DNAAF9: variants seen among roughly 807,000 people sequenced by gnomAD.
The protein encoded by DNAAF9 is shulin.
A neutral mutation model predicts 167.0 loss-of-function variants in DNAAF9; 90 were observed. That is an observed-to-expected ratio of 0.54 (90% confidence interval 0.45 to 0.64). The LOEUF (loss-of-function observed/expected upper bound fraction) is 0.64, where lower values mean the gene tolerates loss of function less well. DNAAF9 is among the 30% of genes least tolerant of loss of function. The pLI, the probability that DNAAF9 is intolerant of heterozygous loss-of-function variation, is 0.00. For missense variants in DNAAF9, 1,315 were observed against 1,442.2 expected (o/e 0.91, Z 1.43); for synonymous variants, 491 against 508.8 (o/e 0.96, Z 0.47).
At chr20:3,405,912 C>G (rs1015294060) in intron 1 of DNAAF9, among the ~76,000 whole-genome samples, 2 of 152,204 alleles carry the variant, frequency 1.3e-5, no homozygotes, top group Non-Finnish European at 2.9e-5. Context: ...ATACTTTCTG[C>G]TTCAGACAGT....
Position 3,359,601 on chromosome 20 carries a change from A to G in DNAAF9, c.613-8T>C, listed in dbSNP as rs954725073. The G allele has an allele frequency of 3.8e-6, 6 of 1,596,010 alleles. No individual in the cohort carries two copies. The Admixed American group carries it at 8.6e-5, about 23-fold the overall frequency. ...CAAACTCACATCCTGCAACTGCAAC[A>G]GAGGGCAAAAACATTGAAATAATTA... On this transcript the variant is annotated splice_region_variant and splice_polypyrimidine_tract_variant and intron_variant, in intron 6 of 36. Transcript: ENST00000252032.
intron 30 of DNAAF9, among the ~76,000 whole-genome samples, chr20:3,266,907 C>A (rs2068500970): frequency 6.7e-6 from 1 of 148,934 alleles, no homozygotes; most frequent in African/African-American, 2.5e-5. Context: ...GGCTAGAGTG[C>A]AATGGCGCAA....
chr20:3,397,920 C>T (rs2083932971), intron 1 of DNAAF9, among the ~76,000 whole-genome samples: 1 of 152,108 alleles, frequency 6.6e-6, no homozygotes, highest in Admixed American at 6.5e-5. Flanking sequence ...TAATCAAGTA[C>T]CAGGATTATG....
At chr20:3,364,847 G>A (rs901851610) in intron 6 of DNAAF9, among the ~76,000 whole-genome samples, 7 of 152,010 alleles carry the variant, frequency 4.6e-5, no homozygotes, top group African/African-American at 1.7e-4. Context: ...GGCTGCTGAA[G>A]GTTAAGAGGC....
At chr20:3,380,177 G>C (rs375294064) in intron 3 of DNAAF9, among the ~76,000 whole-genome samples, 1 of 152,188 alleles carries the variant, frequency 6.6e-6, no homozygotes, top group Non-Finnish European at 1.5e-5. Context: ...CGTGTGGCTG[G>C]TATGAGCTGC....
chr20:3,315,894 C>T lies in DNAAF9; in HGVS notation c.1540-109G>A, dbSNP rs1257676261. On this transcript the variant is annotated intron_variant, in intron 18 of 36. Transcript: ENST00000252032. This position sits in a 1 kb window ranked among gnomAD's most constrained non-coding sequence, Gnocchi z 4.1. ...CCAGGACACTGGCTGGACAGTCCTT[C>T]CACCATGTCCATGTCCAGTGCTCTC... is the stretch of plus-strand genomic sequence containing the variant. 4 of 852,766 alleles carry T rather than the reference C, an allele frequency of 4.7e-6. No homozygotes were observed. Among genetic ancestry groups the T allele is most frequent in the African/African-American group, 3.3e-5 (2 of 60,370 alleles). The allele number at this position is 852,766 out of a possible 1,614,324, so 52.8% of individuals were successfully genotyped here. A position where few individuals can be genotyped will look rare whatever the true frequency, so the allele number is the denominator to read the frequency against.
At chr20:3,295,143 A>T (rs759537810) in intron 23 of DNAAF9, among the ~76,000 whole-genome samples, 30 of 151,052 alleles carry the variant, frequency 2.0e-4, no homozygotes, top group Non-Finnish European at 3.5e-4. Context: ...TGCTGGGATT[A>T]CAGGCATGAG....
chr20:3,320,609 T>C (rs925089048), intron 16 of DNAAF9, among the ~76,000 whole-genome samples: 7 of 152,148 alleles, frequency 4.6e-5, no homozygotes, highest in Admixed American at 4.6e-4. Flanking sequence ...TTTAATGATA[T>C]CACAAAAAAG....
Position 3,348,641 on chromosome 20 carries a change from AAGAT to A in DNAAF9, c.691-22_691-19del. The A allele has an allele frequency of 5.3e-6, 8 of 1,516,558 alleles. No individual in the cohort carries two copies. Among genetic ancestry groups the A allele is most frequent in the Non-Finnish European group, 7.2e-6 (8 of 1,104,368 alleles). 93.9% of individuals were successfully genotyped at this position (1,516,558 alleles called of 1,614,324 possible). On this transcript the variant is annotated intron_variant, in intron 7 of 36. Transcript: ENST00000252032. Reference sequence around the variant, plus strand: ...ACCAAATCCTGGGAAAAAAAGGAAAAAGATAACGTGTTTGGTCATATAAAGGAGG... The same window carrying A: ...ACCAAATCCTGGGAAAAAAAGGAAAAAACGTGTTTGGTCATATAAAGGAGG...
intron 6 of DNAAF9, among the ~76,000 whole-genome samples, chr20:3,371,356 T>C (rs2083505879): frequency 7.0e-6 from 1 of 142,262 alleles, no homozygotes; most frequent in African/African-American, 2.6e-5. Flanking sequence ...TTTTTTTTTT[T>C]TTTTGAGACT....
At chr20:3,302,922 A>G (rs1321144725) in intron 21 of DNAAF9, among the ~76,000 whole-genome samples, 2 of 152,216 alleles carry the variant, frequency 1.3e-5, no homozygotes, top group African/African-American at 4.8e-5. Context: ...AAGTTAAATT[A>G]TCAGCATAAA....
At position 3,348,618 on chromosome 20, in the gene DNAAF9, C is replaced by T; in HGVS notation, c.696G>A (p.Leu232=). The change falls in exon 8 of 37, where the codon TTG becomes TTA. Residue 232 remains leucine (L), a synonymous_variant. Coordinates refer to ENST00000252032, the MANE Select transcript of DNAAF9 (RefSeq NM_001009984.3). The stretch of plus-strand genomic sequence containing the variant: ...TAGTCCACTGATGTTCAAAAGCCAC[C>T]AAATCCTGGGAAAAAAAGGAAAAAG... ...MSLESLLSDD[L]VAFEHQWTSF... 1 of 1,588,806 alleles carries T rather than the reference C, an allele frequency of 6.3e-7. No homozygotes were observed. Among genetic ancestry groups the T allele is most frequent in the East Asian group, 2.2e-5 (1 of 44,656 alleles).
chr20:3,293,292 CAAAAAAAAAAAAAAA>C (rs1172725572), intron 25 of DNAAF9, among the ~76,000 whole-genome samples: 25 of 22,872 alleles, frequency 1.1e-3, no homozygotes, highest in African/African-American at 1.6e-3. Flanking sequence ...GACTCCGTCT[CAAAAAAAAAAAAAAA>C]AAAAAAAAAA....
rs1018687296 is a variant in DNAAF9 at position 3,343,869 on chromosome 20, A to ATG, written c.790-140_790-139dup. Reference sequence around the variant, plus strand: ...TGTGTGTGTGTGTGTGCGTGTGTGCATGTGCGTGTGTGTGACAGAGAGAGC... The same window carrying ATG: ...TGTGTGTGTGTGTGTGCGTGTGTGCATGTGTGCGTGTGTGTGACAGAGAGAGC... On this transcript the variant is annotated intron_variant, in intron 8 of 36. Transcript: ENST00000252032. 408 of 566,608 alleles carry ATG rather than the reference A, an allele frequency of 7.2e-4. 2 individuals are homozygous for ATG. Among genetic ancestry groups the ATG allele is most frequent in the South Asian group, 5.3e-3 (196 of 37,256 alleles). The allele number at this position is 566,608 out of a possible 1,614,324, so 35.1% of individuals were successfully genotyped here.
At chr20:3,310,076 C>T (rs1387148777) in intron 20 of DNAAF9, among the ~76,000 whole-genome samples, 1 of 151,936 alleles carries the variant, frequency 6.6e-6, no homozygotes, top group East Asian at 1.9e-4. Context: ...TCTGTAATCC[C>T]AGCTACTCGG....
intron 6 of DNAAF9, among the ~76,000 whole-genome samples, chr20:3,361,461 T>C (rs1218950721): frequency 6.6e-6 from 1 of 152,110 alleles, no homozygotes; most frequent in Non-Finnish European, 1.5e-5. Context: ...CCCCCCAGGC[T>C]AGACGGCTGT....
intron 1 of DNAAF9, among the ~76,000 whole-genome samples, chr20:3,394,943 T>C (rs1352180098): frequency 1.8e-5 from 2 of 111,318 alleles, no homozygotes; most frequent in Admixed American, 1.0e-4. Context: ...GAACATTTTC[T>C]TTTTTCTTTT....
intron 14 of DNAAF9, among the ~76,000 whole-genome samples, chr20:3,323,355 C>A (rs1156926550): frequency 2.8e-5 from 4 of 144,982 alleles, no homozygotes; most frequent in Non-Finnish European, 6.0e-5. Context: ...AATCTCGACT[C>A]ACTGCAACCT....
intron 11 of DNAAF9, 61 bp from the exon 12 acceptor site, chr20:3,330,743 G>A: frequency 4.0e-6 from 4 of 988,974 alleles, no homozygotes; most frequent in Non-Finnish European, 6.2e-6. Flanking sequence ...ACTTAACAAG[G>A]AAGCTAGAAA....
Sources: gnomAD v4.1 joint callset for allele counts (sites outside exome capture counted in the v4.1 genomes callset) on GRCh38, gnomAD v4.1.1 for gene constraint, Gnocchi (gnomAD v3.1) non-coding constraint, MANE v1.5 for transcripts, NCBI Gene and HGNC (gene_info 2026-07-23, HGNC 2026-07-21) for gene names.